CDH18: variants seen among roughly 807,000 people sequenced by gnomAD.
The protein encoded by CDH18 is cadherin-18.
A neutral mutation model predicts 67.9 loss-of-function variants in CDH18; 31 were observed. The observed-to-expected ratio is 0.46, with a 90% CI of 0.34 to 0.62. The LOEUF (loss-of-function observed/expected upper bound fraction) is 0.62. Ranked by LOEUF, CDH18 falls within the 20% of genes least tolerant of loss-of-function variation. CDH18 has a pLI of 0.01. For missense variants in CDH18, 890 were observed against 975.5 expected (o/e 0.91, Z 1.17); for synonymous variants, 362 against 347.2 (o/e 1.04, Z -0.48).
chr5:19,713,500 C>G (rs1764972069), intron 5 of CDH18, among the ~76,000 whole-genome samples: 1 of 152,062 alleles, frequency 6.6e-6, no homozygotes, highest in Admixed American at 6.6e-5. Flanking sequence ...AATAGTTTGA[C>G]TAGAATAGAA....
At chr5:20,085,134 C>T (rs1030343510) in intron 2 of CDH18, among the ~76,000 whole-genome samples, 9 of 152,168 alleles carry the variant, frequency 5.9e-5, no homozygotes, top group Non-Finnish European at 1.3e-4. Context: ...GTTAACAGCA[C>T]CCAAGTAAAC....
At chr5:19,820,126 A>G (rs917405253) in intron 3 of CDH18, among the ~76,000 whole-genome samples, 10 of 152,100 alleles carry the variant, frequency 6.6e-5, no homozygotes, top group Admixed American at 2.0e-4. Context: ...TACTCTCAGA[A>G]CATTGAAACC....
intron 1 of CDH18, among the ~76,000 whole-genome samples, chr5:20,479,130 A>G (rs1253596540): frequency 6.6e-6 from 1 of 152,074 alleles, no homozygotes; most frequent in Non-Finnish European, 1.5e-5. Flanking sequence ...TACTTGGAAA[A>G]CCTTCCTAAG....
chr5:20,428,740 C>T (rs1748516021), intron 1 of CDH18, among the ~76,000 whole-genome samples: 1 of 152,060 alleles, frequency 6.6e-6, no homozygotes, highest in Admixed American at 6.6e-5. Flanking sequence ...ATGTGTTTTA[C>T]AATAAGACGT....
intron 9 of CDH18, among the ~76,000 whole-genome samples, chr5:19,539,187 T>A (rs943553621): frequency 3.9e-5 from 6 of 152,196 alleles, no homozygotes; most frequent in African/African-American, 1.4e-4. Context: ...AATTAAATTA[T>A]ATTTTAGTAA....
chr5:19,473,474 T>C lies in CDH18; in HGVS notation c.2125A>G (p.Ser709Gly), dbSNP rs746152654. The change falls in exon 13 of 13, where the codon AGC becomes GGC. Residue 709 changes from serine (S) to glycine (G), a missense_variant. By Grantham distance (56) the Ser-to-Gly change is moderately conservative. Transcript: ENST00000382275. ...TTAATAAATTCCTGAACATCTATGC[T>C]TTCCAGGGTGGATGATGTCTGGTGT... ...PRHQTSSTLE[S>G]IDVQEFIKQR... The C allele has an allele frequency of 3.7e-6, 6 of 1,613,836 alleles. No homozygotes were observed. The highest frequency in any genetic ancestry group is 5.1e-6 in the Non-Finnish European group (6 of 1,179,876).
At chr5:19,882,380 A>G (rs1218233337) in intron 2 of CDH18, among the ~76,000 whole-genome samples, 1 of 152,180 alleles carries the variant, frequency 6.6e-6, no homozygotes, top group Non-Finnish European at 1.5e-5. Context: ...AGCATAACAT[A>G]TAAGCCACAT....
chr5:19,911,479 C>G (rs1315839371), intron 2 of CDH18, among the ~76,000 whole-genome samples: 1 of 152,028 alleles, frequency 6.6e-6, no homozygotes, highest in African/African-American at 2.4e-5. Context: ...GAAGTTTTAA[C>G]TGCCAATTGG....
At chr5:19,803,722 A>C (rs921490951) in intron 3 of CDH18, 3 of 152,190 alleles carry the variant, frequency 2.0e-5, no homozygotes, top group African/African-American at 7.2e-5. Flanking sequence ...TTTACATTTT[A>C]TTTTATATTT....
At position 20,172,212 on chromosome 5, in the gene CDH18, A is replaced by ACGTATATATATATATACGTATATATATG. The variant is rs1192358410; in HGVS notation, c.-518+83231_-518+83232insCATATATATACGTATATATATATATACG. Among the ~76,000 whole-genome samples, 23 of 50,708 alleles carry ACGTATATATATATATACGTATATATATG rather than the reference A, an allele frequency of 4.5e-4. 1 individual carries two copies. The highest frequency in any genetic ancestry group is 8.3e-4 in the Non-Finnish European group (22 of 26,602). 33.3% of individuals were successfully genotyped at this position (50,708 alleles called of 152,430 possible). On this transcript the variant is annotated intron_variant, in intron 2 of 14. Transcript: ENST00000507958. ...TGTGTATATATATATATATATATAT[A>ACGTATATATATATATACGTATATATATG]TATATATATATGTATATATATATAT... is the stretch of plus-strand genomic sequence containing the variant.
intron 2 of CDH18, among the ~76,000 whole-genome samples, chr5:20,092,279 T>C (rs1745505924): frequency 6.6e-6 from 1 of 152,114 alleles, no homozygotes; most frequent in Non-Finnish European, 1.5e-5. Flanking sequence ...TTACCCTCCC[T>C]TTGAAAAAAC....
At position 19,479,330 on chromosome 5, in the gene CDH18, A is replaced by G. The variant is rs1489948454; in HGVS notation, c.1882+3971T>C. On this transcript the variant is annotated intron_variant, in intron 12 of 12. Transcript: ENST00000382275. Reference sequence around the variant, plus strand: ...CTGCGAGGGTTGAACGTTATTTCAGAATTACGAGTTCAAAAATAAAGTTTT... The same window carrying G: ...CTGCGAGGGTTGAACGTTATTTCAGGATTACGAGTTCAAAAATAAAGTTTT... Among the ~76,000 whole-genome samples the G allele has an allele frequency of 2.0e-5, 3 of 152,302 alleles. No individual in the cohort carries two copies. In the East Asian group the frequency reaches 5.8e-4, roughly 29 times the overall value.
chr5:19,737,019 C>A (rs1768424173), intron 4 of CDH18, among the ~76,000 whole-genome samples: 1 of 152,170 alleles, frequency 6.6e-6, no homozygotes, highest in Admixed American at 6.5e-5. Flanking sequence ...AAGGACTGAT[C>A]AATGAAAACC....
chr5:20,095,888 T>C (rs1299422814), intron 2 of CDH18, among the ~76,000 whole-genome samples: 1 of 151,526 alleles, frequency 6.6e-6, no homozygotes, highest in Non-Finnish European at 1.5e-5. Flanking sequence ...AATTAAAAAC[T>C]GAATTAAGTA....
intron 1 of CDH18, among the ~76,000 whole-genome samples, chr5:20,471,057 C>T (rs1012512199): frequency 6.6e-6 from 1 of 151,950 alleles, no homozygotes; most frequent in Non-Finnish European, 1.5e-5. Flanking sequence ...TTTCTGTGTG[C>T]AATTCTGTGC....
intron 1 of CDH18, among the ~76,000 whole-genome samples, chr5:20,481,245 T>C (rs1238760958): frequency 6.6e-6 from 1 of 151,726 alleles, no homozygotes; most frequent in Non-Finnish European, 1.5e-5. Flanking sequence ...AGCAGATCAT[T>C]ATATTATGAT....
At chr5:20,502,381 T>A (rs899369263) in intron 1 of CDH18, among the ~76,000 whole-genome samples, 1 of 152,064 alleles carries the variant, frequency 6.6e-6, no homozygotes, top group Non-Finnish European at 1.5e-5. Context: ...GCCTCAAGGA[T>A]TTTCTTCTTA....
intron 3 of CDH18, among the ~76,000 whole-genome samples, chr5:19,749,147 G>A (rs1378039008): frequency 6.6e-6 from 1 of 151,902 alleles, no homozygotes; most frequent in Admixed American, 6.6e-5. Flanking sequence ...GCAGACACCC[G>A]CAAAGTGTCA....
chr5:20,185,038 T>C (rs1391068716), intron 2 of CDH18, among the ~76,000 whole-genome samples: 1 of 152,104 alleles, frequency 6.6e-6, no homozygotes, highest in Non-Finnish European at 1.5e-5. Flanking sequence ...GTGTATTTGC[T>C]ATATTTCCGT....
Sources: gnomAD v4.1 joint callset for allele counts (sites outside exome capture counted in the v4.1 genomes callset) on GRCh38, gnomAD v4.1.1 for gene constraint, MANE v1.5 for transcripts, NCBI Gene and HGNC (gene_info 2026-07-23, HGNC 2026-07-21) for gene names.